WDR25: variants seen among roughly 807,000 people sequenced by gnomAD.
WDR25 encodes the protein WD repeat domain 25, also known as WD repeat-containing protein 25.
A neutral mutation model predicts 47.7 loss-of-function variants in WDR25; 35 were observed. The ratio of observed to expected loss-of-function variants is 0.73; its 90% CI spans 0.56 to 0.97. The LOEUF is 0.97. WDR25 is among the 50% of genes least tolerant of loss of function. The pLI, the probability that WDR25 is intolerant of heterozygous loss-of-function variation, is 0.00. For missense variants in WDR25, 634 were observed against 704.7 expected (o/e 0.90, Z 1.14); for synonymous variants, 248 against 278.9 (o/e 0.89, Z 1.10).
At position 100,441,845 on chromosome 14, in the gene WDR25, T is replaced by A. The variant is rs147802945; in HGVS notation, c.823-26176T>A. Among the ~76,000 whole-genome samples the A allele has an allele frequency of 1.8e-3, 276 of 152,304 alleles. 1 individual carries two copies. The highest frequency in any genetic ancestry group is 6.1e-3 in the African/African-American group (255 of 41,554). ...TGCAGTCTCAGTAGCAGTGGCCAGG[T>A]ATTGAGCACCTACTGCATGCCAAGC... is the stretch of plus-strand genomic sequence containing the variant. On this transcript the variant is annotated intron_variant, in intron 2 of 6. Transcript: ENST00000402312.
intron 2 of WDR25, among the ~76,000 whole-genome samples, chr14:100,456,140 T>C (rs1005933608): frequency 9.9e-5 from 15 of 152,156 alleles, no homozygotes; most frequent in Non-Finnish European, 1.8e-4. Flanking sequence ...GGAGGATCAC[T>C]TGAAGCCAGG....
In WDR25 at chr14:100,380,907, T is replaced by G. The variant is rs548885888; in HGVS notation, c.-15-3T>G. 1 of 1,605,996 alleles carries G rather than the reference T, an allele frequency of 6.2e-7. No individual in the cohort carries two copies. Among genetic ancestry groups the G allele is most frequent in the Non-Finnish European group, 8.5e-7 (1 of 1,173,660 alleles). ...TCTGACGGTTGACCTTGTTTGATCTTAGGTGGTTTGGCTTTGAATGACAGC... is the reference window on the plus strand; with the variant it reads ...TCTGACGGTTGACCTTGTTTGATCTGAGGTGGTTTGGCTTTGAATGACAGC... On this transcript the variant is annotated splice_region_variant and splice_polypyrimidine_tract_variant and intron_variant, in intron 1 of 6. Coordinates refer to ENST00000402312, the MANE Select transcript of WDR25 (RefSeq NM_001161476.3).
rs35414565 is a variant in WDR25 at position 100,405,168 on chromosome 14, C to CTT, written c.822+23431_822+23432dup. Among the ~76,000 whole-genome samples the CTT allele has an allele frequency of 5.9e-4, 86 of 146,236 alleles. 1 individual carries two copies. The South Asian group carries it at 8.5e-3, about 14-fold the overall frequency. ...CCTAGGAATCCTCTCTCTGCCCCAT[C>CTT]TTTTTTTTTTGAGATGGAGTTTTGC... On this transcript the variant is annotated intron_variant, in intron 2 of 6. Transcript: ENST00000402312.
intron 2 of WDR25, among the ~76,000 whole-genome samples, chr14:100,438,758 T>C (rs1898576126): frequency 6.6e-6 from 1 of 152,210 alleles, no homozygotes; most frequent in Admixed American, 6.5e-5. Context: ...GTTATTTCAT[T>C]GAATCTTGTT....
intron 2 of WDR25, among the ~76,000 whole-genome samples, chr14:100,416,686 C>A (rs774749827): frequency 1.6e-4 from 24 of 152,180 alleles, no homozygotes; most frequent in Non-Finnish European, 2.8e-4. Flanking sequence ...GGCAGTGTGG[C>A]CTGTGTTGCT....
At position 100,418,767 on chromosome 14, in the gene WDR25, G is replaced by C. The variant is rs1019126048; in HGVS notation, c.822+37021G>C. 1.5e-3 allele frequency among the ~76,000 whole-genome samples: 188 copies of C among 123,508 alleles called. 1 individual carries two copies. Among genetic ancestry groups the C allele is most frequent in the Non-Finnish European group, 1.5e-3 (86 of 58,022 alleles). The allele number at this position is 123,508 out of a possible 152,430, so 81.0% of individuals were successfully genotyped here. A position where few individuals can be genotyped will look rare whatever the true frequency, so the allele number is the denominator to read the frequency against. ...CCTGGGAGTTTGGGGTGGCGGTGGCGGGGGGGGGTCCTACTCACGCCACAC... is the reference window on the plus strand; with the variant it reads ...CCTGGGAGTTTGGGGTGGCGGTGGCCGGGGGGGGTCCTACTCACGCCACAC... On this transcript the variant is annotated intron_variant, in intron 2 of 6. Coordinates refer to ENST00000402312, the MANE Select transcript of WDR25 (RefSeq NM_001161476.3).
chr14:100,521,389 C>T (rs1015934199), intron 4 of WDR25, among the ~76,000 whole-genome samples: 7 of 152,328 alleles, frequency 4.6e-5, no homozygotes, highest in Non-Finnish European at 7.3e-5. Context: ...CTGTCTCCCC[C>T]ATTCTGCTCC....
chr14:100,418,825 G>A (rs1897948157), intron 2 of WDR25, among the ~76,000 whole-genome samples: 1 of 152,084 alleles, frequency 6.6e-6, no homozygotes, highest in Non-Finnish European at 1.5e-5. Context: ...TTGGACTCAG[G>A]TTGCCAGGCA....
rs563821059 is a variant in WDR25, at chr14:100,425,683, G to A, written c.823-42338G>A. ...GTTAATGAGGTCCTGACAAGCTTTC[G>A]TTTTGAAGGAGTTCTCAAAAATGAC... is the stretch of plus-strand genomic sequence containing the variant. On this transcript the variant is annotated intron_variant, in intron 2 of 6. Coordinates refer to ENST00000402312, the MANE Select transcript of WDR25 (RefSeq NM_001161476.3). This position sits in a 1 kb window ranked among gnomAD's most constrained non-coding sequence, Gnocchi z 4.8. Among the ~76,000 whole-genome samples, 4 of 152,292 alleles carry A rather than the reference G, an allele frequency of 2.6e-5. No homozygotes were observed. The highest frequency in any genetic ancestry group is 4.1e-4 in the South Asian group (2 of 4,828).
At chr14:100,417,974 C>T (rs1897917131) in intron 2 of WDR25, among the ~76,000 whole-genome samples, 1 of 151,126 alleles carries the variant, frequency 6.6e-6, no homozygotes, top group African/African-American at 2.4e-5. Context: ...CGGAGGCTCG[C>T]TCTGTCGCCC....
chr14:100,448,320 G>A (rs890330950), intron 2 of WDR25, among the ~76,000 whole-genome samples: 1 of 152,138 alleles, frequency 6.6e-6, no homozygotes, highest in African/African-American at 2.4e-5. Flanking sequence ...AAATACTGTG[G>A]AAACTGCCAG....
chr14:100,486,269 C>T (rs564275545), intron 4 of WDR25, among the ~76,000 whole-genome samples: 4 of 152,278 alleles, frequency 2.6e-5, no homozygotes, highest in South Asian at 4.2e-4. Flanking sequence ...TCACCAAGGA[C>T]GCCATCTGAT....
intron 2 of WDR25, among the ~76,000 whole-genome samples, chr14:100,417,457 G>T (rs963377017): frequency 1.1e-4 from 16 of 152,276 alleles, no homozygotes; most frequent in African/African-American, 3.4e-4. Context: ...CATGACCTAG[G>T]TGCCCCTTCC....
At chr14:100,376,656 C>T in intron 1 of WDR25, 161 bp downstream of exon 1, 1 of 1,231,770 alleles carries the variant, frequency 8.1e-7, no homozygotes, top group Non-Finnish European at 1.0e-6. Context: ...TTACTTCTTA[C>T]TATTGACAGC....
At chr14:100,395,634 T>G (rs1254973029) in intron 2 of WDR25, among the ~76,000 whole-genome samples, 1 of 152,224 alleles carries the variant, frequency 6.6e-6, no homozygotes, top group Non-Finnish European at 1.5e-5. Context: ...CTTTAATCTT[T>G]TTGTGTCTTA....
chr14:100,488,778 T>C lies in WDR25; in HGVS notation c.1101+4654T>C, dbSNP rs977810936. 2.0e-5 allele frequency among the ~76,000 whole-genome samples: 3 copies of C among 152,210 alleles called. No individual in the cohort carries two copies. The highest frequency in any genetic ancestry group is 4.8e-5 in the African/African-American group (2 of 41,462). On this transcript the variant is annotated intron_variant, in intron 4 of 6. Coordinates refer to ENST00000402312, the MANE Select transcript of WDR25 (RefSeq NM_001161476.3). This position sits in a 1 kb window ranked among gnomAD's most constrained non-coding sequence, Gnocchi z 4.2. ...TCCCTTGCTTCTCTCATTTGAACCT[T>C]ATCCTCAATTAGCCTGCACCATCTG...
chr14:100,381,521 A>G lies in WDR25; in HGVS notation c.597A>G (p.Pro199=), dbSNP rs967228578. ...TETGKGKDVE[P]QGPPAGRAPA... ...CAGGCAAGGGTAAAGACGTGGAGCC[A>G]CAGGGGCCCCCTGCAGGGCGTGCCC... The change falls in exon 2 of 7, where the codon CCA becomes CCG. Residue 199 remains proline, a synonymous_variant. Transcript: ENST00000402312. 3 of 1,614,030 alleles carry G rather than the reference A, an allele frequency of 1.9e-6. No homozygotes were observed. Among genetic ancestry groups the G allele is most frequent in the Non-Finnish European group, 2.5e-6 (3 of 1,179,942 alleles).
chr14:100,389,975 G>A (rs561029051), intron 2 of WDR25, among the ~76,000 whole-genome samples: 7 of 152,120 alleles, frequency 4.6e-5, no homozygotes, highest in Non-Finnish European at 7.4e-5. Context: ...TGAGCGTCTC[G>A]GTTTCTCCTC....
intron 5 of WDR25, among the ~76,000 whole-genome samples, chr14:100,528,685 G>T (rs1027396243): frequency 6.6e-6 from 1 of 152,082 alleles, no homozygotes; most frequent in Non-Finnish European, 1.5e-5. Context: ...ACCCTGTAAG[G>T]TAACATTCAC....
Sources: gnomAD v4.1 joint callset for allele counts (sites outside exome capture counted in the v4.1 genomes callset) on GRCh38, gnomAD v4.1.1 for gene constraint, Gnocchi (gnomAD v3.1) non-coding constraint, MANE v1.5 for transcripts, NCBI Gene and HGNC (gene_info 2026-07-23, HGNC 2026-07-21) for gene names.